Variants in CALCR observed in about 807,000 individuals in gnomAD.
The protein encoded by CALCR is calcitonin receptor.
CALCR carries 47 observed loss-of-function variants against 59.5 expected under a neutral mutation model. The observed-to-expected ratio is 0.79, with a 90% CI of 0.63 to 1.01. The LOEUF is 1.01. CALCR is among the 50% of genes least tolerant of loss of function. The pLI is 0.00. For missense variants in CALCR, 566 were observed against 597.1 expected (o/e 0.95, Z 0.54); for synonymous variants, 213 against 211.3 (o/e 1.01, Z -0.07).
chr7:93,498,755 A>G (rs1169645587), intron 2 of CALCR, among the ~76,000 whole-genome samples: 1 of 151,730 alleles, frequency 6.6e-6, no homozygotes, highest in Non-Finnish European at 1.5e-5. Context: ...CTACATATAG[A>G]CTGTCATATA....
chr7:93,467,068 A>C (rs1478703023), intron 7 of CALCR, among the ~76,000 whole-genome samples: 1 of 151,804 alleles, frequency 6.6e-6, no homozygotes, highest in Non-Finnish European at 1.5e-5. Context: ...TTATATTTAA[A>C]AAACTTAAAA....
intron 2 of CALCR, among the ~76,000 whole-genome samples, chr7:93,523,318 G>C (rs1048521199): frequency 4.6e-5 from 7 of 151,950 alleles, no homozygotes; most frequent in African/African-American, 1.7e-4. Flanking sequence ...CCCATTTTTT[G>C]GTAGAAACAC....
intron 2 of CALCR, among the ~76,000 whole-genome samples, chr7:93,548,699 C>A (rs1789363071): frequency 6.7e-6 from 1 of 149,920 alleles, no homozygotes; most frequent in Non-Finnish European, 1.5e-5. Flanking sequence ...CAAAATACTT[C>A]ATTCATCTCA....
intron 8 of CALCR, among the ~76,000 whole-genome samples, chr7:93,449,593 G>A (rs1385697113): frequency 6.6e-6 from 1 of 151,886 alleles, no homozygotes; most frequent in Non-Finnish European, 1.5e-5. Context: ...AATGAATAAG[G>A]CTTTGGGTAG....
chr7:93,521,465 A>AT (rs923998243), intron 2 of CALCR, among the ~76,000 whole-genome samples: 5 of 152,022 alleles, frequency 3.3e-5, no homozygotes, highest in Non-Finnish European at 7.4e-5. Context: ...CCAAATAGAT[A>AT]TTTTTTCCCT....
Position 93,426,523 on chromosome 7 carries a change from G to A in CALCR, c.1258C>T (p.Arg420Cys), listed in dbSNP as rs567560525. The A allele has an allele frequency of 1.9e-6, 3 of 1,613,284 alleles. No homozygotes were observed. The highest frequency in any genetic ancestry group is 1.1e-5 in the South Asian group (1 of 91,048). The change falls in exon 14 of 14, where the codon CGC becomes TGC. Residue 420 changes from arginine to cysteine, a missense_variant. Transcript: ENST00000426151. Reference protein sequence around the residue: ...KIQWNQRWGRRPSNRSARAAA... With the variant: ...KIQWNQRWGRCPSNRSARAAA... ...GCGCGAGCAGAGCGGTTGGAGGGGC[G>A]CCTCCCCCAACGCTGGTTCCACTGA...
intron 8 of CALCR, among the ~76,000 whole-genome samples, chr7:93,444,033 T>C (rs954857120): frequency 6.6e-6 from 1 of 152,154 alleles, no homozygotes; most frequent in Non-Finnish European, 1.5e-5. Flanking sequence ...GATGGGTTCA[T>C]TTTCCTGCAA....
In CALCR at chr7:93,477,903, G is replaced by T. The variant is rs530950645; in HGVS notation, c.206-235C>A. 4.0e-5 allele frequency among the ~76,000 whole-genome samples: 5 copies of T among 124,820 alleles called. No homozygotes were observed. In the South Asian group the frequency reaches 8.0e-4, roughly 20 times the overall value. The allele number at this position is 124,820 out of a possible 152,430, so 81.9% of individuals were successfully genotyped here. On this transcript the variant is annotated intron_variant, in intron 4 of 13. Coordinates refer to ENST00000426151, the MANE Select transcript of CALCR (RefSeq NM_001742.4). ...GGGTTCTATTTCTACTTTGTAAAAG[G>T]TTCCAAAGTTGAGTGCATCAAAAAA...
intron 8 of CALCR, among the ~76,000 whole-genome samples, chr7:93,452,567 ATTAAAAGT>A (rs1800132109): frequency 1.3e-5 from 2 of 152,194 alleles, no homozygotes; most frequent in South Asian, 4.1e-4. Context: ...AACATTTTCA[ATTAAAAGT>A]GAGTCTGTTA....
In CALCR at chr7:93,426,512, G is replaced by GT. The variant is rs1244353247; in HGVS notation, c.1268dup (p.Asn423LysfsTer28). On this transcript the variant is annotated frameshift_variant, in exon 14 of 14. Transcript: ENST00000426151. LOFTEE classifies it high-confidence loss of function. The stretch of plus-strand genomic sequence containing the variant: ...CAGCGGCTGCAGCGCGAGCAGAGCG[G>GT]TTGGAGGGGCGCCTCCCCCAACGCT... The GT allele has an allele frequency of 5.6e-6, 9 of 1,613,916 alleles. No homozygotes were observed. Among genetic ancestry groups the GT allele is most frequent in the Non-Finnish European group, 7.6e-6 (9 of 1,179,824 alleles).
chr7:93,461,033 T>TTTTC (rs1800325485), intron 7 of CALCR, 86 bp from the exon 8 acceptor site: 1 of 1,157,836 alleles, frequency 8.6e-7, no homozygotes, highest in African/African-American at 1.6e-5. Context: ...ATTTTTCATA[T>TTTTC]TTTCTTTAAA....
At chr7:93,432,751 A>G (rs745344840) in intron 13 of CALCR, among the ~76,000 whole-genome samples, 1 of 152,096 alleles carries the variant, frequency 6.6e-6, no homozygotes, top group Non-Finnish European at 1.5e-5. Context: ...CTGATTTCTC[A>G]TATTAGCTCT....
intron 2 of CALCR, among the ~76,000 whole-genome samples, chr7:93,504,992 T>C (rs912965034): frequency 1.3e-5 from 2 of 152,078 alleles, no homozygotes; most frequent in Non-Finnish European, 1.5e-5. Flanking sequence ...GGGGCCCCTA[T>C]GGAAATTTAT....
chr7:93,525,503 G>A (rs918402551), intron 2 of CALCR, among the ~76,000 whole-genome samples: 2 of 152,170 alleles, frequency 1.3e-5, no homozygotes, highest in African/African-American at 4.8e-5. Flanking sequence ...AAGCAGAGCA[G>A]GTCATGGTGT....
intron 2 of CALCR, among the ~76,000 whole-genome samples, chr7:93,572,604 A>G (rs1291985788): frequency 6.6e-6 from 1 of 152,196 alleles, no homozygotes; most frequent in Admixed American, 6.5e-5. Context: ...TCATGTTAAC[A>G]TTGACAGAGT....
chr7:93,458,892 A>G (rs1415100998), intron 8 of CALCR, among the ~76,000 whole-genome samples: 1 of 152,188 alleles, frequency 6.6e-6, no homozygotes, highest in Non-Finnish European at 1.5e-5. Context: ...CTAATTTCAT[A>G]CTCAATCTAA....
intron 9 of CALCR, among the ~76,000 whole-genome samples, chr7:93,441,336 G>A (rs1048158614): frequency 2.6e-5 from 4 of 152,030 alleles, no homozygotes; most frequent in Admixed American, 2.6e-4. Flanking sequence ...GTGTGTTTGG[G>A]GTGGAATGTT....
At chr7:93,452,177 G>T (rs574499669) in intron 8 of CALCR, among the ~76,000 whole-genome samples, 5 of 152,094 alleles carry the variant, frequency 3.3e-5, no homozygotes, top group African/African-American at 9.6e-5. Context: ...CGAAGCCCAG[G>T]TGATGCTGAT....
intron 2 of CALCR, among the ~76,000 whole-genome samples, chr7:93,566,217 A>G (rs531693565): frequency 6.6e-6 from 1 of 152,332 alleles, no homozygotes; most frequent in East Asian, 1.9e-4. Flanking sequence ...AAAACCTATG[A>G]AATCCTAGAA....
Sources: gnomAD v4.1 joint callset for allele counts (sites outside exome capture counted in the v4.1 genomes callset) on GRCh38, gnomAD v4.1.1 for gene constraint, MANE v1.5 for transcripts, NCBI Gene and HGNC (gene_info 2026-07-23, HGNC 2026-07-21) for gene names.